The following MEGF6 variants were observed in gnomAD, a reference collection of about 807,000 sequenced individuals.
MEGF6 encodes the protein multiple EGF like domains 6, also known as multiple epidermal growth factor-like domains protein 6.
A neutral mutation model predicts 207.1 loss-of-function variants in MEGF6; 184 were observed. That is an observed-to-expected ratio of 0.89 (90% CI 0.79 to 1.00). MEGF6 has a LOEUF of 1.00. Among genes scored for constraint, MEGF6 ranks in the 50% least tolerant of loss-of-function variants. MEGF6 has a pLI of 0.00. For synonymous variants in MEGF6, 1,038 were observed against 910.0 expected (o/e 1.14, Z -2.53); for missense variants, 2,282 against 2,202.9 (o/e 1.04, Z -0.72).
intron 5 of MEGF6, 89 bp downstream of exon 5, chr1:3,524,035 C>A: frequency 6.9e-7 from 1 of 1,453,910 alleles, no homozygotes; most frequent in Admixed American, 2.2e-5. Context: ...ATGTCCACAG[C>A]CACCCTCTCA....
At chr1:3,493,170 CCTATCCTCAGGTGAGCCCCTG>C (rs1286207367) in intron 34 of MEGF6, 47 of 249,070 alleles carry the variant, frequency 1.9e-4, no homozygotes, top group South Asian at 3.3e-4. Context: ...GTGGGTCCCT[CCTATCCTCAGGTGAGCCCCTG>C]CTATCCTCAG....
intron 4 of MEGF6, among the ~76,000 whole-genome samples, chr1:3,539,301 G>T (rs1331741803): frequency 6.6e-6 from 1 of 152,062 alleles, no homozygotes; most frequent in Admixed American, 6.5e-5. Context: ...GGACAGAAAG[G>T]CCAGGCAGGG....
chr1:3,501,781 G>A lies in MEGF6; in HGVS notation c.2314+15C>T, dbSNP rs1159066267. On this transcript the variant is annotated intron_variant, in intron 18 of 36. Coordinates refer to ENST00000356575, the MANE Select transcript of MEGF6 (RefSeq NM_001409.4). ...AGCCTGGGGAGGCGGAACTGGGGCT[G>A]CGGCTGACACTCACCTGCCTCACAG... The A allele has an allele frequency of 2.5e-6, 4 of 1,609,528 alleles. No homozygotes were observed. Among genetic ancestry groups the A allele is most frequent in the South Asian group, 2.2e-5 (2 of 90,772 alleles).
chr1:3,522,182 C>T (rs1381330008), intron 5 of MEGF6, among the ~76,000 whole-genome samples: 4 of 152,192 alleles, frequency 2.6e-5, no homozygotes, highest in Admixed American at 2.0e-4. Context: ...AGGTGCGCTC[C>T]GAGGTCACTG....
chr1:3,521,436 C>T (rs1352285646), intron 5 of MEGF6, among the ~76,000 whole-genome samples: 1 of 152,208 alleles, frequency 6.6e-6, no homozygotes, highest in Non-Finnish European at 1.5e-5. Flanking sequence ...GGCCGAGCTG[C>T]CGCAGGAGAC....
chr1:3,549,314 G>C (rs549140616), intron 4 of MEGF6, among the ~76,000 whole-genome samples: 74 of 152,218 alleles, frequency 4.9e-4, no homozygotes, highest in Non-Finnish European at 1.0e-3. Flanking sequence ...CAACCCCTCA[G>C]GCTTGGGCTG....
chr1:3,499,599 C>CG lies in MEGF6; in HGVS notation c.2953dup (p.Arg985ProfsTer23). The CG allele has an allele frequency of 6.3e-7, 1 of 1,579,828 alleles. No homozygotes were observed. Among genetic ancestry groups the CG allele is most frequent in the Non-Finnish European group, 8.6e-7 (1 of 1,164,352 alleles). ...GGGACCTCACGCACTCTCGGCACAG[C>CG]GGGGGCCCCGGCGGCCAGCGGGGCA... is the stretch of plus-strand genomic sequence containing the variant. On this transcript the variant is annotated frameshift_variant, in exon 23 of 37. Coordinates refer to ENST00000356575, the MANE Select transcript of MEGF6 (RefSeq NM_001409.4). LOFTEE classifies it high-confidence loss of function.
chr1:3,515,408 A>G lies in MEGF6; in HGVS notation c.724T>C (p.Cys242Arg). ...CCAGGCTGGCAGCACTCACGGACACAATGCCTGCCGTCCTCCTGGAGCTGG... is the reference window on the plus strand; with the variant it reads ...CCAGGCTGGCAGCACTCACGGACACGATGCCTGCCGTCCTCCTGGAGCTGG... ...GFQLQEDGRHCVRRSPCANRN... is the reference protein window; with the variant it reads ...GFQLQEDGRHRVRRSPCANRN... The change falls in exon 6 of 37, where the codon TGT (cysteine) becomes CGT (arginine). Residue 242 changes from cysteine to arginine, a missense_variant. By Grantham distance (180) the Cys-to-Arg change is radical (BLOSUM62 -3). Coordinates refer to ENST00000356575, the MANE Select transcript of MEGF6 (RefSeq NM_001409.4). 1 of 1,611,430 alleles carries G rather than the reference A, an allele frequency of 6.2e-7. No individual in the cohort carries two copies.
chr1:3,496,884 C>A (rs1640629286), intron 28 of MEGF6, 101 bp from the exon 29 acceptor site: 2 of 1,519,246 alleles, frequency 1.3e-6, no homozygotes, highest in East Asian at 2.5e-5. Flanking sequence ...CACCCTCCAT[C>A]TTCCACCCCC....
intron 26 of MEGF6, 80 bp from the exon 27 acceptor site, chr1:3,497,441 G>A (rs1640659544): frequency 2.1e-6 from 3 of 1,430,340 alleles, no homozygotes; most frequent in African/African-American, 1.5e-5. Flanking sequence ...GGGAGCAGGT[G>A]CTGTGGGTAC....
chr1:3,517,423 C>T (rs1170760554), intron 5 of MEGF6, among the ~76,000 whole-genome samples: 3 of 152,238 alleles, frequency 2.0e-5, no homozygotes, highest in Non-Finnish European at 4.4e-5. Context: ...TCTTGCCACT[C>T]CAGTCCACAC....
At chr1:3,598,702 G>A (rs940940546) in intron 2 of MEGF6, among the ~76,000 whole-genome samples, 7 of 142,792 alleles carry the variant, frequency 4.9e-5, no homozygotes, top group Admixed American at 7.1e-5. Context: ...GGCGGGGGTC[G>A]TCATGGTAAC....
chr1:3,592,639 G>A (rs917325866), intron 3 of MEGF6, among the ~76,000 whole-genome samples: 6 of 152,156 alleles, frequency 3.9e-5, no homozygotes, highest in Admixed American at 3.3e-4. Flanking sequence ...CACAGGACGC[G>A]CCAGGCAGCA....
intron 3 of MEGF6, among the ~76,000 whole-genome samples, chr1:3,581,548 T>C (rs749631365): frequency 3.9e-5 from 6 of 152,134 alleles, no homozygotes; most frequent in Non-Finnish European, 7.4e-5. Context: ...GTGTCCCAAG[T>C]GTTGAGGCCT....
At chr1:3,588,546 G>GCAGGAGTGGC (rs1643930685) in intron 3 of MEGF6, among the ~76,000 whole-genome samples, 1 of 105,324 alleles carries the variant, frequency 9.5e-6, no homozygotes, top group Admixed American at 9.1e-5. Context: ...CCAGGAGGGG[G>GCAGGAGTGGC]CAGGAGGGGG....
intron 4 of MEGF6, among the ~76,000 whole-genome samples, chr1:3,571,425 C>G (rs1466872749): frequency 6.6e-6 from 1 of 152,098 alleles, no homozygotes; most frequent in Non-Finnish European, 1.5e-5. Context: ...GAGCAAGGTT[C>G]CTGAGTAAGG....
chr1:3,572,892 G>T (rs1643547188), intron 4 of MEGF6, among the ~76,000 whole-genome samples: 1 of 138,406 alleles, frequency 7.2e-6, no homozygotes, highest in African/African-American at 2.8e-5. Flanking sequence ...TCCTTCCTGG[G>T]TGTGCTGGGT....
Position 3,512,275 on chromosome 1 carries a change from C to A in MEGF6, c.854-147G>T. ...TCAAGGCCAATCCCACTGTCCCTGA[C>A]GGCCACTAGTCACAGCCCTGCAGGT... On this transcript the variant is annotated intron_variant, in intron 7 of 36. Transcript: ENST00000356575. The A allele has an allele frequency of 3.7e-6, 4 of 1,086,946 alleles. No individual in the cohort carries two copies. In the South Asian group the frequency reaches 6.5e-5, roughly 18 times the overall value. 67.3% of individuals were successfully genotyped at this position (1,086,946 alleles called of 1,614,324 possible).
At chr1:3,598,727 C>G (rs866259845) in intron 2 of MEGF6, among the ~76,000 whole-genome samples, 33 of 147,680 alleles carry the variant, frequency 2.2e-4, no homozygotes, top group South Asian at 1.3e-3. Context: ...CCCCCCCCCC[C>G]CCCCGGGGCC....
Sources: gnomAD v4.1 joint callset for allele counts (sites outside exome capture counted in the v4.1 genomes callset) on GRCh38, gnomAD v4.1.1 for gene constraint, MANE v1.5 for transcripts, NCBI Gene and HGNC (gene_info 2026-07-23, HGNC 2026-07-21) for gene names.